Variants in CDKL1 observed in about 807,000 individuals in gnomAD.
CDKL1 encodes cyclin-dependent kinase-like 1.
In CDKL1, 41 loss-of-function variants were observed where a neutral mutation model predicts 42.0. That is an observed-to-expected ratio of 0.98 (90% CI 0.76 to 1.27). The LOEUF is 1.27. Ranked by LOEUF, CDKL1 falls within the 50% of genes most tolerant of loss-of-function variation. CDKL1 has a pLI of 0.00. For synonymous variants in CDKL1, 153 were observed against 158.6 expected (o/e 0.96, Z 0.26); for missense variants, 394 against 428.4 (o/e 0.92, Z 0.71).
chr14:50,389,447 T>C (rs1297421863), intron 2 of CDKL1, among the ~76,000 whole-genome samples: 1 of 152,184 alleles, frequency 6.6e-6, no homozygotes, highest in East Asian at 1.9e-4. Flanking sequence ...ATGAACCATA[T>C]GTATATCTGT....
intron 3 of CDKL1, among the ~76,000 whole-genome samples, chr14:50,348,791 A>C (rs1047478449): frequency 6.6e-6 from 1 of 152,332 alleles, no homozygotes; most frequent in Admixed American, 6.5e-5. Context: ...AAACAGAAAA[A>C]AGCAACTTAA....
intron 2 of CDKL1, chr14:50,362,821 C>T (rs1048544217): frequency 1.7e-5 from 5 of 292,886 alleles, no homozygotes; most frequent in African/African-American, 1.1e-4. Context: ...ATGGACCAAT[C>T]AGCAGGATGT....
chr14:50,362,600 G>C (rs1412067439), intron 2 of CDKL1, among the ~76,000 whole-genome samples: 2 of 152,008 alleles, frequency 1.3e-5, no homozygotes, highest in African/African-American at 4.8e-5. Flanking sequence ...GTCTAGCTCA[G>C]GGTTTGTGAA....
chr14:50,385,633 A>G (rs559953942), intron 2 of CDKL1, among the ~76,000 whole-genome samples: 96 of 151,936 alleles, frequency 6.3e-4, no homozygotes, highest in African/African-American at 2.1e-3. Context: ...GTGAAACCCC[A>G]TCTCTACTAA....
intron 2 of CDKL1, among the ~76,000 whole-genome samples, chr14:50,395,147 G>A (rs545975773): frequency 6.6e-6 from 1 of 152,300 alleles, no homozygotes; most frequent in South Asian, 2.1e-4. Context: ...AATAGACTGA[G>A]TATACCAATA....
chr14:50,397,210 C>A (rs370174340), upstream of CDKL1: 8 of 1,366,480 alleles, frequency 5.9e-6, no homozygotes, highest in South Asian at 4.5e-5. Context: ...CAACAGCAGT[C>A]CCCACACCTC....
chr14:50,329,208 C>T lies in CDKL1; in HGVS notation c.*866G>A, dbSNP rs559609082. The T allele has an allele frequency of 4.6e-5, 7 of 152,066 alleles. No homozygotes were observed. The highest frequency in any genetic ancestry group is 6.8e-3 in the Middle Eastern group (2 of 294). The allele number at this position is 152,066 out of a possible 1,614,324, so 9.4% of individuals were successfully genotyped here. ...CCAGATCACTGAATTACAGGTTTGC[C>T]TATAGATGTACCAGGTCAAAGGCTG... On this transcript the variant is annotated 3_prime_UTR_variant, in exon 10 of 10. Coordinates refer to ENST00000395834, the MANE Select transcript of CDKL1 (RefSeq NM_004196.7).
rs551346853 is a variant in CDKL1, at chr14:50,378,145, T to C, written c.168+17556A>G. The C allele has an allele frequency of 8.1e-6, 11 of 1,363,596 alleles. No individual in the cohort carries two copies. In the Admixed American group the frequency reaches 9.6e-5, roughly 12 times the overall value. The allele number at this position is 1,363,596 out of a possible 1,614,324, so 84.5% of individuals were successfully genotyped here. On this transcript the variant is annotated intron_variant, in intron 2 of 9. Coordinates refer to ENST00000395834, the MANE Select transcript of CDKL1 (RefSeq NM_004196.7). ...TTCAGGGCTAGGAAAAGCAACTCAG[T>C]TCCATTGCTGTAGGTTAGCTGCTTC...
rs144253106 is a variant in CDKL1 at position 50,360,090 on chromosome 14, C to T, written c.169-941G>A. Among the ~76,000 whole-genome samples the T allele has an allele frequency of 2.8e-3, 427 of 152,298 alleles. 2 individuals are homozygous for T. In the Middle Eastern group the frequency reaches 0.048, roughly 17 times the overall value. On this transcript the variant is annotated intron_variant, in intron 2 of 9. Transcript: ENST00000395834. ...ACGATTTAACACTTGGCAGATCGCT[C>T]CTCTTTTTCCAAATATTCTTTGATA...
chr14:50,356,716 C>G (rs1290153709), intron 3 of CDKL1, among the ~76,000 whole-genome samples: 2 of 152,166 alleles, frequency 1.3e-5, no homozygotes, highest in Non-Finnish European at 2.9e-5. Context: ...ATTTGATTTC[C>G]TTAAGATTTC....
chr14:50,351,913 A>G (rs1159200283), intron 3 of CDKL1, among the ~76,000 whole-genome samples: 1 of 152,220 alleles, frequency 6.6e-6, no homozygotes, highest in Non-Finnish European at 1.5e-5. Flanking sequence ...AACAGTGAAC[A>G]TTAATGTAAC....
chr14:50,382,690 C>T (rs1393527011), intron 2 of CDKL1, among the ~76,000 whole-genome samples: 2 of 151,888 alleles, frequency 1.3e-5, no homozygotes, highest in South Asian at 2.1e-4. Context: ...ACCTTCCAGG[C>T]TTAGGTGATC....
chr14:50,343,100 C>A (rs200185817), intron 4 of CDKL1: 527 of 1,173,574 alleles, frequency 4.5e-4, no homozygotes, highest in Non-Finnish European at 5.6e-4. Flanking sequence ...ATGATTTTCT[C>A]ATTAAATGAC....
At chr14:50,390,521 TGTTTTGGTTTGTATTA>T in intron 2 of CDKL1, 1 of 380,122 alleles carries the variant, frequency 2.6e-6, no homozygotes, top group South Asian at 2.3e-5. Flanking sequence ...TGTATTTGTT[TGTTTTGGTTTGTATTA>T]CTTTGTATTT....
intron 3 of CDKL1, among the ~76,000 whole-genome samples, chr14:50,351,250 G>T (rs1366579791): frequency 6.6e-6 from 1 of 151,998 alleles, no homozygotes; most frequent in African/African-American, 2.4e-5. Flanking sequence ...GAGAAATGCG[G>T]CAGGAATTAC....
chr14:50,374,750 C>T (rs192161819), intron 2 of CDKL1, among the ~76,000 whole-genome samples: 7 of 152,310 alleles, frequency 4.6e-5, no homozygotes, highest in Admixed American at 2.0e-4. Context: ...TATTACCTTG[C>T]TCTGTCAGCT....
chr14:50,366,668 G>A (rs372335940), intron 2 of CDKL1, among the ~76,000 whole-genome samples: 17 of 152,374 alleles, frequency 1.1e-4, no homozygotes, highest in Admixed American at 3.9e-4. Flanking sequence ...GAGCAGAGCA[G>A]AGGCAGGGTA....
chr14:50,329,088 CAT>C lies in CDKL1; in HGVS notation c.*984_*985del, dbSNP rs1193616064. The stretch of plus-strand genomic sequence containing the variant: ...ACATACACATACATACACATACAAA[CAT>C]AGTGCAAAAAGATGTTTCAGGGAAA... On this transcript the variant is annotated 3_prime_UTR_variant, in exon 10 of 10. Transcript: ENST00000395834. 4 of 148,388 alleles carry C rather than the reference CAT, an allele frequency of 2.7e-5. No homozygotes were observed. The highest frequency in any genetic ancestry group is 4.5e-5 in the Non-Finnish European group (3 of 67,126). The allele number at this position is 148,388 out of a possible 1,614,324, so 9.2% of individuals were successfully genotyped here.
intron 4 of CDKL1, chr14:50,342,780 C>T: frequency 2.3e-6 from 2 of 880,434 alleles, no homozygotes; most frequent in East Asian, 9.1e-5. Flanking sequence ...GTAAACAGGA[C>T]AAGCCCTGGG....
Sources: allele counts gnomAD v4.1 joint callset (sites outside exome capture counted in the v4.1 genomes callset), GRCh38; gene constraint gnomAD v4.1.1; transcripts MANE v1.5; gene names NCBI Gene and HGNC (gene_info 2026-07-23, HGNC 2026-07-21).